Variants in VSTM1 observed in about 807,000 individuals in gnomAD.
VSTM1 encodes V-set and transmembrane domain-containing protein 1.
A neutral mutation model predicts 33.1 loss-of-function variants in VSTM1; 27 were observed. The observed-to-expected ratio is 0.82, with a 90% CI of 0.60 to 1.12. The LOEUF is 1.12. VSTM1 is among the 50% of genes most tolerant of loss of function. VSTM1 has a pLI of 0.00. For missense variants in VSTM1, 304 were observed against 288.9 expected (o/e 1.05, Z -0.38); for synonymous variants, 115 against 110.3 (o/e 1.04, Z -0.27).
At chr19:54,042,828 A>G (rs1219453976) in intron 4 of VSTM1, among the ~76,000 whole-genome samples, 1 of 76,160 alleles carries the variant, frequency 1.3e-5, no homozygotes, top group Non-Finnish European at 2.8e-5. Context: ...ATATATATAT[A>G]TATATATATA....
intron 1 of VSTM1, 28 bp downstream of exon 1, chr19:54,063,716 C>A (rs767867561): frequency 6.2e-7 from 1 of 1,613,324 alleles, no homozygotes; most frequent in South Asian, 1.1e-5. Flanking sequence ...CCAGCCCAAG[C>A]CCATTCGTCC....
chr19:54,059,614 G>T (rs1363149268), intron 1 of VSTM1, among the ~76,000 whole-genome samples: 1 of 151,694 alleles, frequency 6.6e-6, no homozygotes, highest in African/African-American at 2.4e-5. Context: ...GGGACTACAG[G>T]TGTGTGCCAT....
At chr19:54,047,853 G>A (rs1279135222) in intron 4 of VSTM1, among the ~76,000 whole-genome samples, 1 of 152,098 alleles carries the variant, frequency 6.6e-6, no homozygotes. Flanking sequence ...CACAGATCCT[G>A]GCCAAATGTT....
rs143258264 is a variant in VSTM1 at position 54,058,583 on chromosome 19, C to G, written c.78G>C (p.Pro26=). 6.2e-7 allele frequency: 1 copy of G among 1,613,296 alleles called. No homozygotes were observed. The highest frequency in any genetic ancestry group is 8.5e-7 in the Non-Finnish European group (1 of 1,179,544). Residue 26 remains proline, a synonymous_variant, in exon 3 of 9, where the codon CCG becomes CCC. Transcript: ENST00000338372. The part of the protein sequence containing the change: ...GYEDEKKNEK[P]PKPSLHAWPS... ...GCCAGGCGTGGAGGGAGGGCTTGGG[C>G]GGTTTCTCTGGAAACAATTCAGAGT...
chr19:54,057,732 C>T (rs1600154999), intron 3 of VSTM1, among the ~76,000 whole-genome samples: 2 of 150,408 alleles, frequency 1.3e-5, no homozygotes, highest in Non-Finnish European at 3.0e-5. Context: ...TTGCATGAAC[C>T]CAGGAGGCGG....
intron 4 of VSTM1, among the ~76,000 whole-genome samples, chr19:54,048,724 T>C (rs192676932): frequency 1.1e-4 from 16 of 152,304 alleles, no homozygotes; most frequent in African/African-American, 3.6e-4. Flanking sequence ...CAGATACTCC[T>C]ACCACAGTGT....
At chr19:54,059,365 A>G (rs73060626) in intron 1 of VSTM1, among the ~76,000 whole-genome samples, 2,439 of 150,930 alleles carry the variant, frequency 0.016, 25 homozygotes, top group Non-Finnish European at 0.022. Flanking sequence ...CCGGCCCAGC[A>G]ACCTTTTCTG....
At position 54,054,263 on chromosome 19, in the gene VSTM1, T is replaced by A. The variant is rs1326328345; in HGVS notation, c.356-2815A>T. Among the ~76,000 whole-genome samples, 3 of 141,684 alleles carry A rather than the reference T, an allele frequency of 2.1e-5. 1 individual carries two copies. Among genetic ancestry groups the A allele is most frequent in the African/African-American group, 7.8e-5 (3 of 38,410 alleles). 93.0% of individuals were successfully genotyped at this position (141,684 alleles called of 152,430 possible). A position where few individuals can be genotyped will look rare whatever the true frequency, so the allele number is the denominator to read the frequency against. On this transcript the variant is annotated intron_variant, in intron 3 of 8. Transcript: ENST00000338372. ...GTAGATGATATGCCAGAGAACATAA[T>A]TGGGAAATGGCAAATAATCGCGAGG...
rs1214781443 is a variant in VSTM1 at position 54,041,820 on chromosome 19, A to G, written c.554-4T>C. 1 of 1,612,882 alleles carries G rather than the reference A, an allele frequency of 6.2e-7. No individual in the cohort carries two copies. Among genetic ancestry groups the G allele is most frequent in the Non-Finnish European group, 8.5e-7 (1 of 1,179,738 alleles). ...TCCATATTGGATAAATCTGCCTCTGAGTGAGAAAGGAAAAAAAAAAATCAG... is the reference window on the plus strand; with the variant it reads ...TCCATATTGGATAAATCTGCCTCTGGGTGAGAAAGGAAAAAAAAAAATCAG... On this transcript the variant is annotated splice_polypyrimidine_tract_variant and splice_region_variant and intron_variant, in intron 7 of 8. Coordinates refer to ENST00000338372, the MANE Select transcript of VSTM1 (RefSeq NM_198481.4).
Position 54,040,979 on chromosome 19 carries a change from A to G in VSTM1, c.693T>C (p.Tyr231=), listed in dbSNP as rs769639209. 35 of 1,610,370 alleles carry G rather than the reference A, an allele frequency of 2.2e-5. No individual in the cohort carries two copies. The highest frequency in any genetic ancestry group is 3.4e-5 in the Admixed American group (2 of 59,588). The part of the protein sequence containing the change: ...TTQEPPGSHE[Y]AALKV ...CTTCTTGCTACACTTTCAGTGCCGC[A>G]TATTCATGAGATCCTGGGGGCTCCT... The change falls in exon 9 of 9, where the codon TAT becomes TAC. Residue 231 remains tyrosine (Y), a synonymous_variant. Transcript: ENST00000338372.
intron 4 of VSTM1, among the ~76,000 whole-genome samples, chr19:54,046,501 G>A (rs1045174402): frequency 6.6e-6 from 1 of 152,094 alleles, no homozygotes; most frequent in Non-Finnish European, 1.5e-5. Flanking sequence ...CGGATAATGG[G>A]ATTGTAGGTA....
At chr19:54,046,079 A>G (rs1408406140) in intron 4 of VSTM1, among the ~76,000 whole-genome samples, 1 of 152,074 alleles carries the variant, frequency 6.6e-6, no homozygotes, top group African/African-American at 2.4e-5. Flanking sequence ...CTACTTACCT[A>G]TCATCTGTCT....
intron 4 of VSTM1, among the ~76,000 whole-genome samples, chr19:54,049,065 C>T (rs549098955): frequency 6.6e-6 from 1 of 152,086 alleles, no homozygotes; most frequent in East Asian, 1.9e-4. Flanking sequence ...GCCTGGGCGA[C>T]AGAGCAAGAC....
At chr19:54,056,862 T>TC (rs1313740311) in intron 3 of VSTM1, among the ~76,000 whole-genome samples, 1 of 140,240 alleles carries the variant, frequency 7.1e-6, no homozygotes, top group African/African-American at 2.6e-5. Context: ...TCTTCTTCTT[T>TC]TTTTTTTTTA....
chr19:54,060,207 G>T (rs932278528), intron 1 of VSTM1, among the ~76,000 whole-genome samples: 3 of 151,968 alleles, frequency 2.0e-5, no homozygotes, highest in South Asian at 2.1e-4. Context: ...CCCCTTCCCC[G>T]TGTCTTCTGG....
Position 54,054,203 on chromosome 19 carries a change from TA to T in VSTM1, c.356-2756del, listed in dbSNP as rs2070978230. 2.1e-5 allele frequency among the ~76,000 whole-genome samples: 3 copies of T among 142,374 alleles called. 1 individual carries two copies. Among genetic ancestry groups the T allele is most frequent in the Non-Finnish European group, 4.7e-5 (3 of 64,504 alleles). The allele number at this position is 142,374 out of a possible 152,430, so 93.4% of individuals were successfully genotyped here. ...TATAGCCTGTCTTGTGATGTAATGG[TA>T]CAGCTGCGATAGAGGTGAAGAAATC... On this transcript the variant is annotated intron_variant, in intron 3 of 8. Coordinates refer to ENST00000338372, the MANE Select transcript of VSTM1 (RefSeq NM_198481.4).
chr19:54,062,047 T>C (rs1443292824), intron 1 of VSTM1, among the ~76,000 whole-genome samples: 1 of 151,156 alleles, frequency 6.6e-6, no homozygotes, highest in African/African-American at 2.4e-5. Context: ...TCCCAGCTAC[T>C]TGGGAGGCTA....
intron 4 of VSTM1, among the ~76,000 whole-genome samples, chr19:54,049,991 ATTTTTTTTTTTTTTT>A (rs11297678): frequency 1.0e-5 from 1 of 99,122 alleles, no homozygotes; most frequent in Non-Finnish European, 1.9e-5. Context: ...TAACTTTTTA[ATTTTTTTTTTTTTTT>A]TTTTTTTTTG....
At chr19:54,045,048 T>C (rs1431127474) in intron 4 of VSTM1, among the ~76,000 whole-genome samples, 2 of 152,166 alleles carry the variant, frequency 1.3e-5, no homozygotes, top group Non-Finnish European at 2.9e-5. Context: ...AGGTGTGCAA[T>C]GATCTGTGGT....
Sources: allele counts gnomAD v4.1 joint callset (sites outside exome capture counted in the v4.1 genomes callset), GRCh38; gene constraint gnomAD v4.1.1; transcripts MANE v1.5; gene names NCBI Gene and HGNC (gene_info 2026-07-23, HGNC 2026-07-21).